The following HPSE2 variants were observed in gnomAD, a reference collection of about 807,000 sequenced individuals.
The protein encoded by HPSE2 is inactive heparanase-2.
Under a neutral mutation model 60.5 loss-of-function variants are expected in HPSE2, and 38 were observed. That is an observed-to-expected ratio of 0.63 (90% CI 0.48 to 0.82). The LOEUF (loss-of-function observed/expected upper bound fraction) is 0.82, where lower values mean the gene tolerates loss of function less well. HPSE2 is among the 40% of genes least tolerant of loss of function. HPSE2 has a pLI of 0.00. For synonymous variants in HPSE2, 295 were observed against 293.2 expected, an observed-to-expected ratio of 1.01 and a Z score of -0.06; for missense variants, 713 against 740.4, an observed-to-expected ratio of 0.96 and a Z score of 0.43.
At chr10:98,588,943 C>T (rs1020430949) in intron 9 of HPSE2, among the ~76,000 whole-genome samples, 1 of 152,078 alleles carries the variant, frequency 6.6e-6, no homozygotes, top group African/African-American at 2.4e-5. Flanking sequence ...ACTGAGCTAC[C>T]TTTAACTGGA....
intron 4 of HPSE2, among the ~76,000 whole-genome samples, chr10:98,728,660 T>C (rs551333392): frequency 3.4e-4 from 52 of 152,042 alleles, no homozygotes; most frequent in Non-Finnish European, 6.6e-4. Flanking sequence ...TTAGTATTAC[T>C]TGAAAATAGA....
intron 9 of HPSE2, among the ~76,000 whole-genome samples, chr10:98,519,715 C>A (rs1270247663): frequency 3.9e-5 from 6 of 152,164 alleles, no homozygotes; most frequent in Non-Finnish European, 8.8e-5. Flanking sequence ...AGGTGGAGAC[C>A]TAACTGCAGC....
At position 99,149,755 on chromosome 10, in the gene HPSE2, A is replaced by C. The variant is rs1846189746; in HGVS notation, c.449-5356T>G. ...TGTATTTTTCTTATGTCTTTATCAG[A>C]CATAATACAAAGAATAAAGACTCAA... On this transcript the variant is annotated intron_variant, in intron 2 of 11. Coordinates refer to ENST00000370552, the MANE Select transcript of HPSE2 (RefSeq NM_021828.5). Among the ~76,000 whole-genome samples, 2 of 152,194 alleles carry C rather than the reference A, an allele frequency of 1.3e-5. 1 individual carries two copies. The highest frequency in any genetic ancestry group is 1.3e-4 in the Admixed American group (2 of 15,276).
chr10:98,606,973 T>G (rs998758740), intron 9 of HPSE2, among the ~76,000 whole-genome samples: 1 of 152,188 alleles, frequency 6.6e-6, no homozygotes, highest in African/African-American at 2.4e-5. Flanking sequence ...ATTTGTCATA[T>G]CGTGGCATTC....
chr10:98,910,310 AG>A (rs1478024891), intron 3 of HPSE2, among the ~76,000 whole-genome samples: 1 of 152,184 alleles, frequency 6.6e-6, no homozygotes, highest in Non-Finnish European at 1.5e-5. Context: ...CCCTCAGTAT[AG>A]CATCAGACTC....
At chr10:98,592,943 A>G (rs1945130059) in intron 9 of HPSE2, among the ~76,000 whole-genome samples, 1 of 152,216 alleles carries the variant, frequency 6.6e-6, no homozygotes, top group Admixed American at 6.5e-5. Flanking sequence ...TAAATAATTT[A>G]TCATCAGGAT....
At chr10:98,734,316 A>T (rs1322297220) in intron 4 of HPSE2, among the ~76,000 whole-genome samples, 2 of 152,136 alleles carry the variant, frequency 1.3e-5, no homozygotes, top group Admixed American at 1.3e-4. Context: ...ATTAACATTC[A>T]TGTAGAAGTT....
intron 2 of HPSE2, among the ~76,000 whole-genome samples, chr10:99,165,595 G>A (rs1386784985): frequency 4.6e-5 from 7 of 151,756 alleles, no homozygotes; most frequent in East Asian, 1.9e-4. Flanking sequence ...CACCCAGGCC[G>A]GAGTGCAGTG....
intron 3 of HPSE2, among the ~76,000 whole-genome samples, chr10:98,765,402 G>C (rs1950097724): frequency 6.6e-6 from 1 of 152,128 alleles, no homozygotes; most frequent in Non-Finnish European, 1.5e-5. Flanking sequence ...ACTGCTATAA[G>C]TTACTTTTAG....
At chr10:98,651,173 T>C (rs546194755) in intron 6 of HPSE2, among the ~76,000 whole-genome samples, 69 of 152,352 alleles carry the variant, frequency 4.5e-4, no homozygotes, top group South Asian at 3.3e-3. Context: ...TTATGACAAT[T>C]GTCACTTCTC....
chr10:98,988,351 G>A (rs1254064666), intron 3 of HPSE2, among the ~76,000 whole-genome samples: 8 of 152,288 alleles, frequency 5.3e-5, no homozygotes, highest in African/African-American at 4.8e-5. Flanking sequence ...CATATCTACA[G>A]CTATCTGATC....
intron 3 of HPSE2, among the ~76,000 whole-genome samples, chr10:98,836,313 T>G (rs1951789070): frequency 6.6e-6 from 1 of 152,328 alleles, no homozygotes; most frequent in South Asian, 2.1e-4. Flanking sequence ...AATAAAGTGT[T>G]TCACATGGTT....
intron 3 of HPSE2, among the ~76,000 whole-genome samples, chr10:98,893,352 G>T (rs1039649366): frequency 2.6e-5 from 4 of 152,140 alleles, no homozygotes; most frequent in Non-Finnish European, 5.9e-5. Flanking sequence ...CAGGCGTTGA[G>T]CCACCATGCC....
chr10:98,571,940 C>CTTTTT (rs1554943112), intron 9 of HPSE2, among the ~76,000 whole-genome samples: 1 of 140,730 alleles, frequency 7.1e-6, no homozygotes, highest in Non-Finnish European at 1.5e-5. Flanking sequence ...AATTCCTTTT[C>CTTTTT]TTTTTTTTTT....
At chr10:98,461,035 C>T (rs1221759922) in intron 11 of HPSE2, among the ~76,000 whole-genome samples, 5 of 152,256 alleles carry the variant, frequency 3.3e-5, no homozygotes, top group Non-Finnish European at 5.9e-5. Context: ...GCCCAACCTC[C>T]AGTGTGATAA....
chr10:98,580,292 A>C (rs181366799), intron 9 of HPSE2, among the ~76,000 whole-genome samples: 1 of 152,102 alleles, frequency 6.6e-6, no homozygotes, highest in Admixed American at 6.6e-5. Context: ...ATATCCCTTC[A>C]ACCCAGGGGC....
Position 98,705,113 on chromosome 10 carries a change from T to C in HPSE2, c.957-11166A>G, listed in dbSNP as rs962178765. On this transcript the variant is annotated intron_variant, in intron 5 of 11. Transcript: ENST00000370552. ...GGCAAAGGATATGAACAGACACTTC[T>C]CAAAAGAAGATATTAATGTGGTGAA... 5.9e-5 allele frequency among the ~76,000 whole-genome samples: 9 copies of C among 152,204 alleles called. No homozygotes were observed. The East Asian group carries it at 9.6e-4, about 16-fold the overall frequency.
At chr10:98,838,413 T>C (rs1951839832) in intron 3 of HPSE2, among the ~76,000 whole-genome samples, 1 of 152,096 alleles carries the variant, frequency 6.6e-6, no homozygotes, top group African/African-American at 2.4e-5. Context: ...GATATAATTA[T>C]CTTTTCACAT....
intron 3 of HPSE2, among the ~76,000 whole-genome samples, chr10:99,044,806 A>G (rs916776183): frequency 3.9e-5 from 6 of 152,240 alleles, no homozygotes; most frequent in African/African-American, 1.4e-4. Context: ...CAAGCACACA[A>G]GAAGACTTAA....
Sources: gnomAD v4.1 joint callset for allele counts (sites outside exome capture counted in the v4.1 genomes callset) on GRCh38, gnomAD v4.1.1 for gene constraint, MANE v1.5 for transcripts, NCBI Gene and HGNC (gene_info 2026-07-23, HGNC 2026-07-21) for gene names.